The following FAM135B variants were observed in gnomAD, a reference collection of about 807,000 sequenced individuals.
FAM135B encodes protein FAM135B.
A neutral mutation model predicts 127.7 loss-of-function variants in FAM135B; 43 were observed. The ratio of observed to expected loss-of-function variants is 0.34; its 90% CI spans 0.26 to 0.43. The LOEUF (loss-of-function observed/expected upper bound fraction) is 0.43, where lower values mean the gene tolerates loss of function less well. FAM135B is among the 20% of genes least tolerant of loss of function. The pLI is 1.00. For synonymous variants in FAM135B, 670 were observed against 665.1 expected, an observed-to-expected ratio of 1.01 and a Z score of -0.11; for missense variants, 1,558 against 1,725.6, an observed-to-expected ratio of 0.90 and a Z score of 1.72.
At chr8:138,447,923 A>G (rs1836281735) in intron 1 of FAM135B, among the ~76,000 whole-genome samples, 1 of 152,020 alleles carries the variant, frequency 6.6e-6, no homozygotes, top group Non-Finnish European at 1.5e-5. Flanking sequence ...CATCCTCTGT[A>G]TCATACGTGA....
In FAM135B at chr8:138,148,631, A is replaced by G. The variant is rs2130692922; in HGVS notation, c.3337T>C (p.Tyr1113His). 6.2e-7 allele frequency: 1 copy of G among 1,611,082 alleles called. No individual in the cohort carries two copies. The highest frequency in any genetic ancestry group is 8.5e-7 in the Non-Finnish European group (1 of 1,178,492). ...GAAGCTAGTACAGTTAAGTCACTGT[A>G]CAGAAATCCTTCAATCTTCAGTTCT... is the stretch of plus-strand genomic sequence containing the variant. Reference protein sequence around the residue: ...KKELKIEGFLYSDLTVLASDI... With the variant: ...KKELKIEGFLHSDLTVLASDI... The change falls in exon 14 of 20, where the codon TAC becomes CAC. Residue 1113 changes from tyrosine (Y) to histidine (H), a missense_variant. Tyr to His is a moderately conservative substitution (Grantham distance 83). Transcript: ENST00000395297.
At chr8:138,264,273 C>T (rs1287724674) in intron 4 of FAM135B, among the ~76,000 whole-genome samples, 1 of 152,178 alleles carries the variant, frequency 6.6e-6, no homozygotes, top group Non-Finnish European at 1.5e-5. Context: ...GTCACTTGTC[C>T]TCCAGGGAAT....
intron 10 of FAM135B, 78 bp downstream of exon 10, chr8:138,178,457 T>G: frequency 6.5e-7 from 1 of 1,542,016 alleles, no homozygotes; most frequent in Non-Finnish European, 8.9e-7. Context: ...TCCTAATGCT[T>G]GATCTAATTC....
chr8:138,150,807 T>C (rs1433532660), intron 13 of FAM135B, among the ~76,000 whole-genome samples: 1 of 152,156 alleles, frequency 6.6e-6, no homozygotes, highest in Non-Finnish European at 1.5e-5. Flanking sequence ...GATGCAAACA[T>C]AGATTTATAA....
chr8:138,210,538 A>G (rs1818057787), intron 7 of FAM135B, among the ~76,000 whole-genome samples: 1 of 152,164 alleles, frequency 6.6e-6, no homozygotes, highest in African/African-American at 2.4e-5. Context: ...GTGAAGGGGA[A>G]GCAAGCACTT....
intron 7 of FAM135B, among the ~76,000 whole-genome samples, chr8:138,227,848 T>C (rs1417583515): frequency 6.6e-6 from 1 of 152,086 alleles, no homozygotes; most frequent in Non-Finnish European, 1.5e-5. Context: ...GGCATTATGT[T>C]GTACAACAGA....
At chr8:138,272,414 ACT>A (rs1366047257) in intron 3 of FAM135B, among the ~76,000 whole-genome samples, 1 of 152,150 alleles carries the variant, frequency 6.6e-6, no homozygotes, top group Non-Finnish European at 1.5e-5. Context: ...CTACAAGAAA[ACT>A]CAACTTACAA....
chr8:138,380,519 C>T (rs1010428417), intron 1 of FAM135B, among the ~76,000 whole-genome samples: 3 of 152,110 alleles, frequency 2.0e-5, no homozygotes, highest in Non-Finnish European at 4.4e-5. Context: ...ATACCTCACG[C>T]ATCAAAGCAT....
chr8:138,198,105 C>G (rs1292202140), intron 7 of FAM135B, among the ~76,000 whole-genome samples: 1 of 152,094 alleles, frequency 6.6e-6, no homozygotes, highest in African/African-American at 2.4e-5. Context: ...GGGAGGGACC[C>G]AGTGGGAGGT....
At chr8:138,288,752 A>C (rs1249598003) in intron 3 of FAM135B, among the ~76,000 whole-genome samples, 1 of 152,226 alleles carries the variant, frequency 6.6e-6, no homozygotes, top group African/African-American at 2.4e-5. Flanking sequence ...TTTTTCTTTT[A>C]AGAAGATAAT....
chr8:138,449,296 A>G (rs1460279975), intron 1 of FAM135B, among the ~76,000 whole-genome samples: 1 of 152,172 alleles, frequency 6.6e-6, no homozygotes, highest in African/African-American at 2.4e-5. Flanking sequence ...TTCCTACTCC[A>G]AAGTGCCATA....
chr8:138,178,061 A>G (rs948765642), intron 10 of FAM135B, among the ~76,000 whole-genome samples: 11 of 152,062 alleles, frequency 7.2e-5, no homozygotes, highest in African/African-American at 1.7e-4. Flanking sequence ...TCTAGTCAAC[A>G]TGGTGAAACC....
chr8:138,206,369 C>CCACAGCTCTATCATCCCCTCCACCTACA (rs1817601292), intron 7 of FAM135B, among the ~76,000 whole-genome samples: 1 of 38,576 alleles, frequency 2.6e-5, no homozygotes. Flanking sequence ...CTCCACCTAC[C>CCACAGCTCTATCATCCCCTCCACCTACA]CACAACTCTA....
intron 2 of FAM135B, among the ~76,000 whole-genome samples, chr8:138,327,494 G>A (rs1039402484): frequency 1.3e-5 from 2 of 152,152 alleles, no homozygotes; most frequent in Non-Finnish European, 2.9e-5. Flanking sequence ...AATGTCACTT[G>A]GGTACATAAA....
At chr8:138,174,724 G>A (rs1455470333) in intron 11 of FAM135B, among the ~76,000 whole-genome samples, 6 of 152,088 alleles carry the variant, frequency 3.9e-5, no homozygotes, top group African/African-American at 7.2e-5. Flanking sequence ...GGAGAGCTCC[G>A]TCTCCCATCT....
rs536431264 is a variant in FAM135B, at chr8:138,444,922, G to T, written c.-20+51749C>A. Among the ~76,000 whole-genome samples the T allele has an allele frequency of 5.3e-3, 803 of 152,008 alleles. 5 individuals are homozygous for T. Among genetic ancestry groups the T allele is most frequent in the African/African-American group, 0.018 (735 of 41,450 alleles). On this transcript the variant is annotated intron_variant, in intron 1 of 19. Coordinates refer to ENST00000395297, the MANE Select transcript of FAM135B (RefSeq NM_015912.4). The stretch of plus-strand genomic sequence containing the variant: ...GACCTCTAGCAAGACTAATAAAGAA[G>T]AAAAGAGAGAAGAATCAAATAGCCG...
At chr8:138,311,425 T>C (rs1173499574) in intron 2 of FAM135B, among the ~76,000 whole-genome samples, 1 of 152,210 alleles carries the variant, frequency 6.6e-6, no homozygotes, top group Non-Finnish European at 1.5e-5. Context: ...AATTTTAACA[T>C]AGCACTCCCA....
intron 3 of FAM135B, among the ~76,000 whole-genome samples, chr8:138,297,524 T>C (rs934985727): frequency 2.0e-5 from 3 of 152,208 alleles, no homozygotes; most frequent in Non-Finnish European, 4.4e-5. Context: ...TTTTAAAACA[T>C]GTAACATATT....
chr8:138,281,863 T>G (rs1025207755), intron 3 of FAM135B, among the ~76,000 whole-genome samples: 3 of 152,204 alleles, frequency 2.0e-5, no homozygotes, highest in African/African-American at 7.2e-5. Context: ...CAGGCTGGAG[T>G]GCAGTGGCAC....
Sources: gnomAD v4.1 joint callset for allele counts (sites outside exome capture counted in the v4.1 genomes callset) on GRCh38, gnomAD v4.1.1 for gene constraint, MANE v1.5 for transcripts, NCBI Gene and HGNC (gene_info 2026-07-23, HGNC 2026-07-21) for gene names.